The following CES5A variants were observed in gnomAD, a reference collection of about 807,000 sequenced individuals.
CES5A encodes the protein carboxylesterase 5.
A neutral mutation model predicts 62.9 loss-of-function variants in CES5A; 67 were observed. The observed-to-expected ratio is 1.07, with a 90% CI of 0.88 to 1.31. CES5A has a LOEUF of 1.31. Among genes scored for constraint, CES5A ranks in the 50% most tolerant of loss-of-function variants. CES5A has a pLI of 0.00. For missense variants in CES5A, 748 were observed against 708.5 expected (o/e 1.06, Z -0.63); for synonymous variants, 296 against 280.8 (o/e 1.05, Z -0.54).
rs55951124 is a variant in CES5A, at chr16:55,951,103, C to CAAAAAAAAA, written c.43-1210_43-1202dup. ...CCTGGGAGACAGCGAGACTCCATCT[C>CAAAAAAAAA]AAAAAAAAAAAAAAAAAAAAAAAAA... On this transcript the variant is annotated intron_variant, in intron 1 of 13. Coordinates refer to the CES5A transcript ENST00000521992. Among the ~76,000 whole-genome samples, 62 of 44,376 alleles carry CAAAAAAAAA rather than the reference C, an allele frequency of 1.4e-3. 5 individuals carry two copies. Among genetic ancestry groups the CAAAAAAAAA allele is most frequent in the African/African-American group, 5.5e-3 (45 of 8,140 alleles). The allele number at this position is 44,376 out of a possible 152,430, so 29.1% of individuals were successfully genotyped here.
chr16:55,846,923 C>A, intron 11 of CES5A, 83 bp from the exon 12 acceptor site: 1 of 1,060,420 alleles, frequency 9.4e-7, no homozygotes, highest in Non-Finnish European at 1.5e-6. Context: ...TAATCCTTTT[C>A]ACACCCCTCC....
chr16:55,866,108 T>A lies in CES5A; in HGVS notation c.560A>T (p.Asp187Val), dbSNP rs201133431. The change falls in exon 5 of 13, where the codon GAT (aspartate) becomes GTT (valine). Residue 187 changes from aspartate to valine, a missense_variant. By Grantham distance (152) the Asp-to-Val change is radical. Transcript: ENST00000290567. ...LGIFGFFTTW[D>V]QHAPGNWAFK... ...GGCCCAGTTCCCCGGAGCATGCTGATCCCATGTGCTGAGGACAAGAGGCAG... is the reference window on the plus strand; with the variant it reads ...GGCCCAGTTCCCCGGAGCATGCTGAACCCATGTGCTGAGGACAAGAGGCAG... The A allele has an allele frequency of 6.8e-6, 11 of 1,612,332 alleles. No individual in the cohort carries two copies. The East Asian group carries it at 2.2e-4, about 33-fold the overall frequency.
At chr16:55,885,465 G>A (rs2033805903) in intron 1 of CES5A, among the ~76,000 whole-genome samples, 2 of 152,186 alleles carry the variant, frequency 1.3e-5, no homozygotes, top group Non-Finnish European at 2.9e-5. Context: ...TGGGGAGGGA[G>A]CCGGGAAAGT....
At chr16:55,888,709 G>A (rs1357667286) in intron 1 of CES5A, among the ~76,000 whole-genome samples, 1 of 152,202 alleles carries the variant, frequency 6.6e-6, no homozygotes, top group Non-Finnish European at 1.5e-5. Flanking sequence ...CACTTTGCAA[G>A]CATGTCACAT....
At chr16:55,868,938 C>T (rs780092755) in intron 4 of CES5A, among the ~76,000 whole-genome samples, 1 of 152,220 alleles carries the variant, frequency 6.6e-6, no homozygotes, top group Non-Finnish European at 1.5e-5. Context: ...TGAAATAATG[C>T]ATGGCAAGTG....
chr16:55,933,015 T>C (rs946717601), intron 2 of CES5A, among the ~76,000 whole-genome samples: 2 of 152,218 alleles, frequency 1.3e-5, no homozygotes, highest in Admixed American at 6.5e-5. Context: ...ATCTCAGTAG[T>C]TAAGTAACAC....
At chr16:55,887,288 C>T (rs1254757606) in intron 1 of CES5A, among the ~76,000 whole-genome samples, 2 of 150,430 alleles carry the variant, frequency 1.3e-5, no homozygotes, top group Non-Finnish European at 2.9e-5. Context: ...CACGGGTCAA[C>T]AGTTGACCGG....
intron 1 of CES5A, among the ~76,000 whole-genome samples, chr16:55,908,359 G>T (rs1208831352): frequency 6.6e-6 from 1 of 151,874 alleles, no homozygotes; most frequent in African/African-American, 2.4e-5. Context: ...TTGTTTGTTT[G>T]TTTGTTTGTT....
In CES5A at chr16:55,896,777, CT is replaced by C. The variant is rs1280157365; in HGVS notation, c.-255-22741del. Among the ~76,000 whole-genome samples the C allele has an allele frequency of 6.2e-3, 939 of 152,328 alleles. 13 individuals are homozygous for C. The highest frequency in any genetic ancestry group is 0.022 in the African/African-American group (906 of 41,576). ...GGTACATCCATTATCTCATTTAATCCTCATGACAACACTGCAAGGAGGGTTT... is the reference window on the plus strand; with the variant it reads ...GGTACATCCATTATCTCATTTAATCCCATGACAACACTGCAAGGAGGGTTT... On this transcript the variant is annotated intron_variant, in intron 1 of 12. Coordinates refer to the CES5A transcript ENST00000518005.
intron 1 of CES5A, chr16:55,955,823 C>G (rs1221223633): frequency 2.0e-6 from 3 of 1,535,526 alleles, no homozygotes; most frequent in Non-Finnish European, 2.6e-6. Flanking sequence ...CAGGCAGTAG[C>G]ACCCTGTGGC....
intron 6 of CES5A, 105 bp downstream of exon 6, chr16:55,863,243 G>T: frequency 1.4e-6 from 1 of 732,816 alleles, no homozygotes; most frequent in Non-Finnish European, 2.5e-6. Flanking sequence ...GAGGTGCCTT[G>T]GGCATGGTCA....
chr16:55,875,557 T>C (rs527323715), upstream of CES5A, among the ~76,000 whole-genome samples: 1 of 152,268 alleles, frequency 6.6e-6, no homozygotes, highest in South Asian at 2.1e-4. Flanking sequence ...GACCCAAGGA[T>C]GAATGAGGTT....
At chr16:55,934,852 G>A (rs957723533) in intron 2 of CES5A, among the ~76,000 whole-genome samples, 1 of 152,214 alleles carries the variant, frequency 6.6e-6, no homozygotes, top group African/African-American at 2.4e-5. Flanking sequence ...GCCTGAGACG[G>A]GAGAGTTACT....
chr16:55,919,196 C>T (rs2034177267), intron 1 of CES5A, among the ~76,000 whole-genome samples: 4 of 152,260 alleles, frequency 2.6e-5, no homozygotes, highest in African/African-American at 4.8e-5. Context: ...GGGCACAGGC[C>T]TCCCTTCCTT....
At chr16:55,860,996 T>G (rs1336762359) in intron 7 of CES5A, among the ~76,000 whole-genome samples, 1 of 152,198 alleles carries the variant, frequency 6.6e-6, no homozygotes, top group Non-Finnish European at 1.5e-5. Context: ...TCTCACTACC[T>G]TCTAAAGGAG....
chr16:55,851,489 A>C (rs190168208), intron 10 of CES5A, among the ~76,000 whole-genome samples: 385 of 152,356 alleles, frequency 2.5e-3, no homozygotes, highest in South Asian at 0.023. Context: ...ACAACAACAG[A>C]AGAAAATAAC....
intron 9 of CES5A, among the ~76,000 whole-genome samples, chr16:55,855,193 G>A (rs535570581): frequency 2.6e-3 from 393 of 152,338 alleles, no homozygotes; most frequent in South Asian, 0.025. Context: ...TTGCACCCCA[G>A]TGCCCAGGGA....
chr16:55,861,654 C>A, intron 6 of CES5A, 138 bp from the exon 7 acceptor site: 1 of 682,126 alleles, frequency 1.5e-6, no homozygotes. Flanking sequence ...CCTAGACCCA[C>A]ACCCCTATAA....
intron 2 of CES5A, among the ~76,000 whole-genome samples, chr16:55,938,805 T>TATATATATATATACACACACAA (rs2034414151): frequency 1.8e-5 from 1 of 55,016 alleles, no homozygotes; most frequent in African/African-American, 5.4e-5. Context: ...TATACACACA[T>TATATATATATATACACACACAA]ATATATATAT....
Sources: gnomAD v4.1 joint callset for allele counts (sites outside exome capture counted in the v4.1 genomes callset) on GRCh38, gnomAD v4.1.1 for gene constraint, MANE v1.5 for transcripts, NCBI Gene and HGNC (gene_info 2026-07-23, HGNC 2026-07-21) for gene names.